Variants in ERICH3 observed in about 807,000 individuals in gnomAD.
ERICH3 encodes the protein glutamate rich 3, also known as glutamate-rich protein 3.
Under a neutral mutation model 131.1 loss-of-function variants are expected in ERICH3, and 126 were observed. The ratio of observed to expected loss-of-function variants is 0.96; its 90% CI spans 0.83 to 1.11. ERICH3 has a LOEUF of 1.11. Among genes scored for constraint, ERICH3 ranks in the 50% most tolerant of loss-of-function variants. The probability of loss-of-function intolerance (pLI) is 0.00; values close to 1 mark genes in which losing one functional copy is unlikely to be tolerated. For synonymous variants in ERICH3, 695 were observed against 644.6 expected (o/e 1.08, Z -1.18); for missense variants, 2,050 against 1,810.7 (o/e 1.13, Z -2.40).
intron 3 of ERICH3, among the ~76,000 whole-genome samples, chr1:74,645,027 G>C (rs1646469224): frequency 6.6e-6 from 1 of 151,790 alleles, no homozygotes; most frequent in African/African-American, 2.4e-5. Context: ...TCACACCTCT[G>C]CAACTTCTGA....
chr1:74,613,985 A>G (rs1648824728), intron 8 of ERICH3, among the ~76,000 whole-genome samples: 1 of 152,234 alleles, frequency 6.6e-6, no homozygotes, highest in Non-Finnish European at 1.5e-5. Flanking sequence ...ACTACAATAG[A>G]CTAAGATGTA....
chr1:74,571,755 C>G lies in ERICH3; in HGVS notation c.3955G>C (p.Asp1319His). 6.2e-7 allele frequency: 1 copy of G among 1,614,168 alleles called. No homozygotes were observed. The highest frequency in any genetic ancestry group is 8.5e-7 in the Non-Finnish European group (1 of 1,180,028). Residue 1319 changes from aspartate (D) to histidine (H), a missense_variant, in exon 14 of 15, where the codon GAC becomes CAC. Transcript: ENST00000326665. ...TGTGTGTTTCCTTCTCCTTCCATGT[C>G]CCCGTCCCCTTCCGAGTTCCTGTCC... The part of the protein sequence containing the change: ...MQDRNSEGDG[D>H]MEGEGNTQKN...
In ERICH3 at chr1:74,571,968, G is replaced by GCGCTGCT. The variant is rs1646957593; in HGVS notation, c.3741_3742insAGCAGCG (p.His1248SerfsTer14). 6.2e-7 allele frequency: 1 copy of GCGCTGCT among 1,613,822 alleles called. No individual in the cohort carries two copies. The highest frequency in any genetic ancestry group is 1.1e-5 in the South Asian group (1 of 91,080). On this transcript the variant is annotated frameshift_variant, in exon 14 of 15. Coordinates refer to ENST00000326665, the MANE Select transcript of ERICH3 (RefSeq NM_001002912.5). LOFTEE classifies it high-confidence loss of function. ...CCCTCCAGTCCTGCGCAGGAGTCGT[G>GCGCTGCT]ATCTTTGGCTGCTAGCTCCTCTGCC...
At chr1:74,588,532 C>T (rs573209001) in intron 12 of ERICH3, among the ~76,000 whole-genome samples, 2 of 152,180 alleles carry the variant, frequency 1.3e-5, no homozygotes, top group East Asian at 1.9e-4. Flanking sequence ...GTAACATAGA[C>T]GCTAAAAGCA....
chr1:74,570,873 T>C (rs756654450), intron 14 of ERICH3, among the ~76,000 whole-genome samples: 1 of 152,150 alleles, frequency 6.6e-6, no homozygotes, highest in Non-Finnish European at 1.5e-5. Flanking sequence ...AGACTGAATA[T>C]GACTTGCCAC....
chr1:74,588,533 G>A lies in ERICH3; in HGVS notation c.2176+1098C>T, dbSNP rs56102974. ...TTAAGGGTCTAAAAGTAACATAGAC[G>A]CTAAAAGCATTCATATGCTTTTAAA... On this transcript the variant is annotated intron_variant, in intron 12 of 14. Transcript: ENST00000326665. 7.1e-3 allele frequency among the ~76,000 whole-genome samples: 1,077 copies of A among 152,190 alleles called. 11 individuals carry two copies. Among genetic ancestry groups the A allele is most frequent in the African/African-American group, 0.024 (1,010 of 41,528 alleles).
chr1:74,625,354 T>C (rs1421217109), intron 7 of ERICH3: 3 of 152,014 alleles, frequency 2.0e-5, no homozygotes, highest in Non-Finnish European at 4.4e-5. Flanking sequence ...AGCACCATTA[T>C]GTAGAATCTA....
chr1:74,634,818 T>G lies in ERICH3; in HGVS notation c.603+1462A>C. 3 of 600,366 alleles carry G rather than the reference T, an allele frequency of 5.0e-6. No individual in the cohort carries two copies. The Middle Eastern group carries it at 7.9e-4, about 157-fold the overall frequency. The allele number at this position is 600,366 out of a possible 1,614,324, so 37.2% of individuals were successfully genotyped here. On this transcript the variant is annotated intron_variant, in intron 6 of 14. Coordinates refer to ENST00000326665, the MANE Select transcript of ERICH3 (RefSeq NM_001002912.5). ...AGACCTTTGAGTTTTCTGGTACCTT[T>G]GGCTAGCCCATTCCCAAGATGAGAT...
At chr1:74,620,935 A>G in intron 7 of ERICH3, 21 bp from the exon 8 acceptor site, 1 of 1,510,298 alleles carries the variant, frequency 6.6e-7, no homozygotes, top group Non-Finnish European at 8.9e-7. Flanking sequence ...CAGAAAAATG[A>G]GGCTTATTAA....
At chr1:74,660,479 A>G (rs1052451745) in intron 1 of ERICH3, among the ~76,000 whole-genome samples, 2 of 151,268 alleles carry the variant, frequency 1.3e-5, no homozygotes, top group African/African-American at 2.4e-5. Context: ...TTTATATTTG[A>G]TCTTGGAACA....
chr1:74,604,987 T>C (rs1442237230), intron 10 of ERICH3, among the ~76,000 whole-genome samples: 1 of 151,920 alleles, frequency 6.6e-6, no homozygotes, highest in Non-Finnish European at 1.5e-5. Flanking sequence ...AGATGGCATC[T>C]TTTTCCAATG....
Position 74,646,701 on chromosome 1 carries a change from G to A in ERICH3, c.209C>T (p.Ala70Val). ...AAGAACTTTATGAAAAATTGCCTGG[G>A]CTAAGCATTCCCGGATATATTTTTG... Reference protein sequence around the residue: ...DHQKYIRECLAQAIFHKVLDM... With the variant: ...DHQKYIRECLVQAIFHKVLDM... The change falls in exon 3 of 15, where the codon GCC becomes GTC. Residue 70 changes from alanine (A) to valine (V), a missense_variant. Ala to Val is a moderately conservative substitution (Grantham distance 64, BLOSUM62 0). Transcript: ENST00000326665. The A allele has an allele frequency of 1.4e-6, 2 of 1,468,222 alleles. No homozygotes were observed. Among genetic ancestry groups the A allele is most frequent in the Non-Finnish European group, 1.8e-6 (2 of 1,083,440 alleles). 90.9% of individuals were successfully genotyped at this position (1,468,222 alleles called of 1,614,324 possible). A position where few individuals can be genotyped will look rare whatever the true frequency, so the allele number is the denominator to read the frequency against.
At chr1:74,596,040 C>A (rs1647830923) in intron 11 of ERICH3, among the ~76,000 whole-genome samples, 1 of 152,020 alleles carries the variant, frequency 6.6e-6, no homozygotes, top group Non-Finnish European at 1.5e-5. Context: ...TCTTTTCAAA[C>A]CCATATTGAA....
intron 9 of ERICH3, among the ~76,000 whole-genome samples, chr1:74,611,799 T>C (rs1314313585): frequency 5.3e-5 from 8 of 152,174 alleles, no homozygotes; most frequent in Non-Finnish European, 4.4e-5. Flanking sequence ...CTAACTATCC[T>C]GCATAAAATA....
chr1:74,637,179 T>C (rs1458521880), intron 5 of ERICH3, among the ~76,000 whole-genome samples: 1 of 152,132 alleles, frequency 6.6e-6, no homozygotes, highest in Non-Finnish European at 1.5e-5. Context: ...TGGAGTCCAC[T>C]AGTGACAGGC....
chr1:74,589,379 T>G (rs1469640269), intron 12 of ERICH3: 1 of 549,526 alleles, frequency 1.8e-6, no homozygotes, highest in Non-Finnish European at 3.2e-6. Context: ...GGAATTCCCA[T>G]AGGAGGGAAT....
At chr1:74,615,219 T>C (rs1190205047) in intron 8 of ERICH3, 2 of 152,138 alleles carry the variant, frequency 1.3e-5, no homozygotes, top group African/African-American at 2.4e-5. Flanking sequence ...CACCTCCCCA[T>C]CCTGACTTGA....
chr1:74,615,027 A>G (rs2100601572), intron 8 of ERICH3, among the ~76,000 whole-genome samples: 1 of 152,284 alleles, frequency 6.6e-6, no homozygotes, highest in East Asian at 1.9e-4. Context: ...ATGTTGAGAA[A>G]GGGCTCAGGA....
chr1:74,609,819 C>A (rs1156531653), intron 9 of ERICH3, among the ~76,000 whole-genome samples: 2 of 151,918 alleles, frequency 1.3e-5, no homozygotes, highest in Non-Finnish European at 2.9e-5. Flanking sequence ...AATATTGTAA[C>A]CATTTTGATA....
Sources: allele counts gnomAD v4.1 joint callset (sites outside exome capture counted in the v4.1 genomes callset), GRCh38; gene constraint gnomAD v4.1.1; transcripts MANE v1.5; gene names NCBI Gene and HGNC (gene_info 2026-07-23, HGNC 2026-07-21).